The following TTLL12 variants were observed in gnomAD, a reference collection of about 807,000 sequenced individuals.
TTLL12 encodes tubulin tyrosine ligase like 12.
Under a neutral mutation model 79.6 loss-of-function variants are expected in TTLL12, and 77 were observed. That is an observed-to-expected ratio of 0.97 (90% confidence interval 0.81 to 1.17). TTLL12 has a LOEUF of 1.17. Ranked by LOEUF, TTLL12 falls within the 50% of genes most tolerant of loss-of-function variation. TTLL12 has a pLI of 0.00. For missense variants in TTLL12, 969 were observed against 895.9 expected (o/e 1.08, Z -1.04); for synonymous variants, 437 against 376.1 (o/e 1.16, Z -1.87).
In TTLL12 at chr22:43,173,721, G is replaced by A. The variant is rs200239819; in HGVS notation, c.1335C>T (p.Thr445=). 5.6e-6 allele frequency: 9 copies of A among 1,601,714 alleles called. No homozygotes were observed. Among genetic ancestry groups the A allele is most frequent in the Non-Finnish European group, 6.8e-6 (8 of 1,179,838 alleles). ...CCTGGTCTGCGGGGCCCACCTTGGG[G>A]GTGCTCTCTCGGTGCCGGATGATGC... ...LHSIIRHRES[T]PKVVSKYIES... The change falls in exon 9 of 14, where the codon ACC becomes ACT. Residue 445 remains threonine (T), a synonymous_variant. Transcript: ENST00000216129.
intron 13 of TTLL12, among the ~76,000 whole-genome samples, chr22:43,168,568 A>G (rs1315745870): frequency 2.0e-5 from 3 of 152,046 alleles, no homozygotes; most frequent in Non-Finnish European, 4.4e-5. Context: ...CCCCCGACTC[A>G]GAGGCCCAAC....
rs199520351 is a variant in TTLL12 at position 43,179,920 on chromosome 22, G to A, written c.627C>T (p.Phe209=). Residue 209 remains phenylalanine, a synonymous_variant, in exon 4 of 14, where the codon TTC becomes TTT. Transcript: ENST00000216129. ...GCATGTAGAAGAAGGGTGCCGTGGC[G>A]AAGCTGGGCACGTCCGCGTGCTGGA... The part of the protein sequence containing the change: ...SRIQHADVPS[F]ATAPFFYMPQ... 8.1e-6 allele frequency: 13 copies of A among 1,610,962 alleles called. 1 individual carries two copies. The South Asian group carries it at 8.8e-5, about 11-fold the overall frequency.
Position 43,186,996 on chromosome 22 carries a change from G to A in TTLL12, c.74C>T (p.Ala25Val), listed in dbSNP as rs1451722253. ...SSPGQTPEEG[A>V]QALAEFAALH... ...CGCCGCGAACTCGGCCAAGGCCTGC[G>A]CGCCCTCCTCCGGCGTCTGGCCCGG... is the stretch of plus-strand genomic sequence containing the variant. Residue 25 changes from alanine (A) to valine (V), a missense_variant, in exon 1 of 14, where the codon GCG becomes GTG. Transcript: ENST00000216129. 7.8e-7 allele frequency: 1 copy of A among 1,279,394 alleles called. No homozygotes were observed. The highest frequency in any genetic ancestry group is 9.9e-7 in the Non-Finnish European group (1 of 1,010,468). The allele number at this position is 1,279,394 out of a possible 1,614,324, so 79.3% of individuals were successfully genotyped here. A position where few individuals can be genotyped will look rare whatever the true frequency, so the allele number is the denominator to read the frequency against.
Position 43,179,768 on chromosome 22 carries a change from A to C in TTLL12, c.707-16T>G, listed in dbSNP as rs138945. The C allele has an allele frequency of 0.7, 1,082,342 of 1,549,820 alleles. 384,034 individuals are homozygous for C. The highest frequency in any genetic ancestry group is 0.88 in the African/African-American group (63,934 of 72,802). ...GTCACCTCCTCTGTGCCAAGACATG[A>C]GTGCCCATCAGAGGGGGTGACGGGA... is the stretch of plus-strand genomic sequence containing the variant. On this transcript the variant is annotated splice_polypyrimidine_tract_variant and intron_variant, in intron 4 of 13. Coordinates refer to ENST00000216129, the MANE Select transcript of TTLL12 (RefSeq NM_015140.4).
chr22:43,174,348 G>C lies in TTLL12; in HGVS notation c.1090C>G (p.Leu364Val). The change falls in exon 8 of 14, where the codon CTG becomes GTG. Residue 364 changes from leucine to valine, a missense_variant. Leu to Val is a conservative substitution (Grantham distance 32, BLOSUM62 1). Coordinates refer to ENST00000216129, the MANE Select transcript of TTLL12 (RefSeq NM_015140.4). Reference sequence around the variant, plus strand: ...GCCAGGCAGTCCTTGACAGTCAGCAGGTTCTCGCAGGGGAACTGGTTCAGC... The same window carrying C: ...GCCAGGCAGTCCTTGACAGTCAGCACGTTCTCGCAGGGGAACTGGTTCAGC... Reference protein sequence around the residue: ...VLLNQFPCENLLTVKDCLASI... With the variant: ...VLLNQFPCENVLTVKDCLASI... 3 of 1,596,242 alleles carry C rather than the reference G, an allele frequency of 1.9e-6. No individual in the cohort carries two copies. The highest frequency in any genetic ancestry group is 2.6e-6 in the Non-Finnish European group (3 of 1,168,918).
Position 43,182,984 on chromosome 22 carries a change from TG to T in TTLL12, c.342del (p.Asn115ThrfsTer34), listed in dbSNP as rs34872708. The T allele has an allele frequency of 2.5e-6, 4 of 1,613,174 alleles. No individual in the cohort carries two copies. Among genetic ancestry groups the T allele is most frequent in the Non-Finnish European group, 3.4e-6 (4 of 1,179,508 alleles). ...TGTCTCTGGCCAGGCTCCTACCTGT[TG>T]GGGTGGGCTGCCTGGAGCCCGCTCT... is the stretch of plus-strand genomic sequence containing the variant. ...TRESGLQAAH[P>X]NSIFLIDHAW... is the part of the protein sequence containing the mutation. On this transcript the variant is annotated frameshift_variant, in exon 2 of 14. Coordinates refer to ENST00000216129, the MANE Select transcript of TTLL12 (RefSeq NM_015140.4). LOFTEE classifies it high-confidence loss of function.
intron 1 of TTLL12, among the ~76,000 whole-genome samples, chr22:43,186,196 C>CA (rs1555982125): frequency 1.4e-5 from 2 of 144,952 alleles, no homozygotes; most frequent in South Asian, 2.3e-4. Flanking sequence ...AACACCCCCC[C>CA]CCCCGCCAGC....
chr22:43,187,057 G>C lies in TTLL12; in HGVS notation c.13C>G (p.Arg5Gly), dbSNP rs1264794822. 11 of 1,181,868 alleles carry C rather than the reference G, an allele frequency of 9.3e-6. No individual in the cohort carries two copies. Among genetic ancestry groups the C allele is most frequent in the Non-Finnish European group, 1.1e-5 (11 of 957,384 alleles). The allele number at this position is 1,181,868 out of a possible 1,614,324, so 73.2% of individuals were successfully genotyped here. The change falls in exon 1 of 14, where the codon CGG (arginine) becomes GGG (glycine). Residue 5 changes from arginine to glycine, a missense_variant. Physicochemically the swap from Arg to Gly is moderately radical, Grantham distance 125 (BLOSUM62 -2). Transcript: ENST00000216129. MEAE[R>G]GPERRPAERS... ...TCCGCAGGCCGGCGCTCGGGACCCCGCTCGGCCTCCATGGCGCCAGCACCC... is the reference window on the plus strand; with the variant it reads ...TCCGCAGGCCGGCGCTCGGGACCCCCCTCGGCCTCCATGGCGCCAGCACCC...
chr22:43,170,072 G>C, intron 11 of TTLL12: 1 of 356,986 alleles, frequency 2.8e-6, no homozygotes, highest in South Asian at 2.1e-5. Context: ...CACACCCGAG[G>C]AAGGTGGCAG....
chr22:43,183,273 G>C, intron 1 of TTLL12, 124 bp from the exon 2 acceptor site: 1 of 1,194,156 alleles, frequency 8.4e-7, no homozygotes, highest in Non-Finnish European at 1.2e-6. Flanking sequence ...GTCTCCTTCA[G>C]AGGTGTGGGA....
intron 1 of TTLL12, among the ~76,000 whole-genome samples, chr22:43,183,455 T>C (rs1033417350): frequency 2.0e-5 from 3 of 152,160 alleles, no homozygotes; most frequent in African/African-American, 7.2e-5. Flanking sequence ...GCTGGAGGTA[T>C]CTGTAGTCCA....
chr22:43,179,179 C>T (rs1001356172), intron 5 of TTLL12, among the ~76,000 whole-genome samples: 7 of 152,196 alleles, frequency 4.6e-5, no homozygotes, highest in Admixed American at 1.3e-4. Flanking sequence ...GGGCCCTGAC[C>T]AAGACTGAAA....
chr22:43,177,822 A>G (rs1367008332), intron 5 of TTLL12, among the ~76,000 whole-genome samples: 1 of 152,236 alleles, frequency 6.6e-6, no homozygotes, highest in Non-Finnish European at 1.5e-5. Context: ...ATCGTGTGAG[A>G]TAATAAATGT....
At chr22:43,182,458 T>C (rs1489708466) in intron 2 of TTLL12, among the ~76,000 whole-genome samples, 3 of 152,196 alleles carry the variant, frequency 2.0e-5, no homozygotes, top group Non-Finnish European at 4.4e-5. Flanking sequence ...CAGATGGGCC[T>C]GCAGGCCTGA....
chr22:43,180,992 G>C, intron 2 of TTLL12, 52 bp from the exon 3 acceptor site: 1 of 1,569,934 alleles, frequency 6.4e-7, no homozygotes, highest in Admixed American at 1.7e-5. Context: ...GGGGCAAAGG[G>C]AAGTCGGGGG....
At position 43,173,767 on chromosome 22, in the gene TTLL12, T is replaced by C; in HGVS notation, c.1289A>G (p.His430Arg). ...PWNLARSLDT[H>R]VTKSLHSIIR... The stretch of plus-strand genomic sequence containing the variant: ...GATGCTGTGCAGGCTCTTGGTGACG[T>C]GGGTGTCCAGGCTGCGCGCCAGGTT... Residue 430 changes from histidine to arginine, a missense_variant, in exon 9 of 14, where the codon CAC (histidine) becomes CGC (arginine). Coordinates refer to ENST00000216129, the MANE Select transcript of TTLL12 (RefSeq NM_015140.4). 6.2e-7 allele frequency: 1 copy of C among 1,604,888 alleles called. No homozygotes were observed. The highest frequency in any genetic ancestry group is 8.5e-7 in the Non-Finnish European group (1 of 1,179,878).
At position 43,171,745 on chromosome 22, in the gene TTLL12, C is replaced by T. The variant is rs77871116; in HGVS notation, c.1575+74G>A. 4.1e-3 allele frequency: 5,227 copies of T among 1,284,986 alleles called. 184 individuals are homozygous for T. In the African/African-American group the frequency reaches 0.067, roughly 17 times the overall value. The allele number at this position is 1,284,986 out of a possible 1,614,324, so 79.6% of individuals were successfully genotyped here. A position where few individuals can be genotyped will look rare whatever the true frequency, so the allele number is the denominator to read the frequency against. The stretch of plus-strand genomic sequence containing the variant: ...CCTGTGTGCCAGTCCTCCTAGGAGG[C>T]AGTGTGGGCGGGGTGGGGTCGGGTG... On this transcript the variant is annotated intron_variant, in intron 11 of 13. Transcript: ENST00000216129.
Position 43,173,761 on chromosome 22 carries a change from G to T in TTLL12, c.1295C>A (p.Thr432Asn). Reference sequence around the variant, plus strand: ...CCGGATGATGCTGTGCAGGCTCTTGGTGACGTGGGTGTCCAGGCTGCGCGC... The same window carrying T: ...CCGGATGATGCTGTGCAGGCTCTTGTTGACGTGGGTGTCCAGGCTGCGCGC... ...NLARSLDTHV[T>N]KSLHSIIRHR... Residue 432 changes from threonine (T) to asparagine (N), a missense_variant, in exon 9 of 14, where the codon ACC (threonine) becomes AAC (asparagine). Physicochemically the swap from Thr to Asn is moderately conservative, Grantham distance 65 (BLOSUM62 0). Transcript: ENST00000216129. The T allele has an allele frequency of 6.2e-7, 1 of 1,604,746 alleles. No individual in the cohort carries two copies.
At position 43,187,087 on chromosome 22, in the gene TTLL12, C is replaced by G. The variant is rs1442429925; in HGVS notation, c.-18G>C. On this transcript the variant is annotated 5_prime_UTR_variant, in exon 1 of 14. Transcript: ENST00000216129. ...GCCTCCATGGCGCCAGCACCCGCGC[C>G]GACTCCAGCGCCGCCACCGCCGCCG... 9.7e-6 allele frequency: 11 copies of G among 1,137,850 alleles called. No homozygotes were observed. Among genetic ancestry groups the G allele is most frequent in the Non-Finnish European group, 9.7e-6 (9 of 929,572 alleles). 70.5% of individuals were successfully genotyped at this position (1,137,850 alleles called of 1,614,324 possible).
Sources: gnomAD v4.1 joint callset for allele counts (sites outside exome capture counted in the v4.1 genomes callset) on GRCh38, gnomAD v4.1.1 for gene constraint, MANE v1.5 for transcripts, NCBI Gene and HGNC (gene_info 2026-07-23, HGNC 2026-07-21) for gene names.